PREX1: variants seen among roughly 807,000 people sequenced by gnomAD.
The protein encoded by PREX1 is phosphatidylinositol-3,4,5-trisphosphate dependent Rac exchange factor 1.
In PREX1, 41 loss-of-function variants were observed where a neutral mutation model predicts 198.3. That is an observed-to-expected ratio of 0.21 (90% CI 0.16 to 0.27). PREX1 has a LOEUF of 0.27. Ranked by LOEUF, PREX1 falls within the 10% of genes least tolerant of loss-of-function variation. The pLI is 1.00. For missense variants in PREX1, 1,620 were observed against 2,200.7 expected, an observed-to-expected ratio of 0.74 and a Z score of 5.28; for synonymous variants, 843 against 887.2, an observed-to-expected ratio of 0.95 and a Z score of 0.89.
At chr20:48,769,538 A>G (rs2090225502) in intron 1 of PREX1, among the ~76,000 whole-genome samples, 1 of 152,120 alleles carries the variant, frequency 6.6e-6, no homozygotes, top group African/African-American at 2.4e-5. Flanking sequence ...TATCAGAATG[A>G]GCTCACACTC....
intron 7 of PREX1, among the ~76,000 whole-genome samples, chr20:48,698,444 C>T (rs1025108064): frequency 3.9e-5 from 6 of 152,036 alleles, no homozygotes; most frequent in Non-Finnish European, 8.8e-5. Context: ...GGGCAGGGCT[C>T]AGGGTGGACA....
Position 48,690,655 on chromosome 20 carries a change from G to A in PREX1, c.1186+292C>T, listed in dbSNP as rs375871542. Among the ~76,000 whole-genome samples, 9 of 152,188 alleles carry A rather than the reference G, an allele frequency of 5.9e-5. No individual in the cohort carries two copies. The East Asian group carries it at 7.7e-4, about 13-fold the overall frequency. On this transcript the variant is annotated intron_variant, in intron 9 of 39. Coordinates refer to ENST00000371941, the MANE Select transcript of PREX1 (RefSeq NM_020820.4). ...AATAAAACCTCAGGCGGAGGGCACAGGGCTATGCGCAGGAAAGGGGAGCAT... is the reference window on the plus strand; with the variant it reads ...AATAAAACCTCAGGCGGAGGGCACAAGGCTATGCGCAGGAAAGGGGAGCAT...
At position 48,659,904 on chromosome 20, in the gene PREX1, C is replaced by G; in HGVS notation, c.1881+15G>C. On this transcript the variant is annotated intron_variant, in intron 16 of 39. Coordinates refer to ENST00000371941, the MANE Select transcript of PREX1 (RefSeq NM_020820.4). The stretch of plus-strand genomic sequence containing the variant: ...CTCTGGCAAGGAAGGGACAGCTGCT[C>G]AGCTGTGCTCCTACCAGCAGGCGCT... 6.2e-7 allele frequency: 1 copy of G among 1,613,952 alleles called. No individual in the cohort carries two copies. The highest frequency in any genetic ancestry group is 8.5e-7 in the Non-Finnish European group (1 of 1,180,014).
intron 1 of PREX1, among the ~76,000 whole-genome samples, chr20:48,824,128 C>T (rs2090499146): frequency 6.6e-6 from 1 of 152,174 alleles, no homozygotes; most frequent in Non-Finnish European, 1.5e-5. Context: ...AGCCAAGGTT[C>T]TGAGTCAAAA....
intron 21 of PREX1, 114 bp from the exon 22 acceptor site, chr20:48,651,697 C>T: frequency 1.0e-6 from 1 of 1,002,214 alleles, no homozygotes; most frequent in Non-Finnish European, 1.4e-6. Context: ...GTGCAAAGGC[C>T]CCAGGGCAGG....
chr20:48,670,802 T>C (rs538735150), intron 14 of PREX1, among the ~76,000 whole-genome samples: 1 of 152,330 alleles, frequency 6.6e-6, no homozygotes, highest in Middle Eastern at 3.4e-3. Flanking sequence ...TTATTGACTA[T>C]GAAGGCATCA....
intron 1 of PREX1, among the ~76,000 whole-genome samples, chr20:48,772,108 C>T (rs562407620): frequency 6.6e-6 from 1 of 152,228 alleles, no homozygotes; most frequent in African/African-American, 2.4e-5. Context: ...GCAAGAGAAT[C>T]GCTCGAACCT....
At chr20:48,877,544 T>A in the PREX1 span, among the ~76,000 whole-genome samples, 1 of 152,214 alleles carries the variant, frequency 6.6e-6, no homozygotes, top group African/African-American at 2.4e-5. Flanking sequence ...AAACTGGCTC[T>A]AGCTGGATCA....
Position 48,646,179 on chromosome 20 carries a change from G to C in PREX1, c.3306-122C>G. On this transcript the variant is annotated intron_variant, in intron 25 of 39. Coordinates refer to ENST00000371941, the MANE Select transcript of PREX1 (RefSeq NM_020820.4). ...CCCTCCTGTTGGGGGTGGGAGACTC[G>C]CAAGTTCTTTCACGGCCAAGCTACA... 3.1e-6 allele frequency: 3 copies of C among 959,362 alleles called. No individual in the cohort carries two copies. In the East Asian group the frequency reaches 7.7e-5, roughly 25 times the overall value. The allele number at this position is 959,362 out of a possible 1,614,324, so 59.4% of individuals were successfully genotyped here. A position where few individuals can be genotyped will look rare whatever the true frequency, so the allele number is the denominator to read the frequency against.
rs113823490 is a variant in PREX1, at chr20:48,766,211, T to C, written c.220-18331A>G. 6.7e-3 allele frequency among the ~76,000 whole-genome samples: 1,022 copies of C among 152,300 alleles called. 13 individuals carry two copies. Among genetic ancestry groups the C allele is most frequent in the East Asian group, 0.046 (236 of 5,182 alleles). ...CAACAAATGTAATGTGTTTGAATCA[T>C]CCTGAAACCATCCCTTCCCCACCCC... is the stretch of plus-strand genomic sequence containing the variant. On this transcript the variant is annotated intron_variant, in intron 1 of 39. Transcript: ENST00000371941.
rs570544093 is a variant in PREX1, at chr20:48,797,345, A to AC, written c.219+30296dup. Among the ~76,000 whole-genome samples the AC allele has an allele frequency of 1.8e-3, 209 of 114,344 alleles. 1 individual carries two copies. In the South Asian group the frequency reaches 0.02, roughly 11 times the overall value. 75.0% of individuals were successfully genotyped at this position (114,344 alleles called of 152,430 possible). ...AATGACGGCCCCCTGCTCCCCCCAG[A>AC]CCCCCCCCAGGACACTGAAGCCCAT... is the stretch of plus-strand genomic sequence containing the variant. On this transcript the variant is annotated intron_variant, in intron 1 of 39. Coordinates refer to ENST00000371941, the MANE Select transcript of PREX1 (RefSeq NM_020820.4).
intron 5 of PREX1, among the ~76,000 whole-genome samples, chr20:48,709,800 C>A (rs566361598): frequency 6.6e-6 from 1 of 152,360 alleles, no homozygotes; most frequent in African/African-American, 2.4e-5. Flanking sequence ...AACACGCTAG[C>A]TGTAACTGTG....
At position 48,637,728 on chromosome 20, in the gene PREX1, G is replaced by A; in HGVS notation, c.3929C>T (p.Ala1310Val). ...VEDGKNQLLL[A>V]LLKCTDTELQ... ...GGCCTCACCTGTGCACTTCAGCAAG[G>A]CCAGGAGCAGCTGGTTCTTCCCATC... The change falls in exon 31 of 40, where the codon GCC becomes GTC. Residue 1310 changes from alanine (A) to valine (V), a missense_variant. Coordinates refer to ENST00000371941, the MANE Select transcript of PREX1 (RefSeq NM_020820.4). The A allele has an allele frequency of 6.2e-7, 1 of 1,612,192 alleles. No individual in the cohort carries two copies. Among genetic ancestry groups the A allele is most frequent in the Non-Finnish European group, 8.5e-7 (1 of 1,179,394 alleles).
intron 1 of PREX1, among the ~76,000 whole-genome samples, chr20:48,785,389 G>A (rs1329459829): frequency 1.3e-5 from 2 of 152,228 alleles, no homozygotes; most frequent in African/African-American, 4.8e-5. Context: ...GACACCTTTA[G>A]GGCCCACTCA....
the PREX1 span, among the ~76,000 whole-genome samples, chr20:48,842,646 T>G: frequency 1.3e-5 from 2 of 151,112 alleles, no homozygotes; most frequent in Non-Finnish European, 2.9e-5. Flanking sequence ...CTTATCATAT[T>G]CAATTATTCA....
chr20:48,654,920 C>A (rs898050650), intron 19 of PREX1, among the ~76,000 whole-genome samples: 2 of 152,202 alleles, frequency 1.3e-5, no homozygotes, highest in African/African-American at 4.8e-5. Context: ...TGCGGCAGAG[C>A]CCCCAAATTT....
chr20:48,726,487 C>T, intron 4 of PREX1, 96 bp from the exon 5 acceptor site: 1 of 868,998 alleles, frequency 1.2e-6, no homozygotes, highest in Non-Finnish European at 1.9e-6. Flanking sequence ...AGCACAGCTA[C>T]AATCACTTGG....
At chr20:48,638,413 C>T (rs994539970) in intron 30 of PREX1, among the ~76,000 whole-genome samples, 7 of 152,234 alleles carry the variant, frequency 4.6e-5, no homozygotes, top group African/African-American at 1.7e-4. Flanking sequence ...TACACACGCC[C>T]TGTCCTGCAA....
chr20:48,719,015 C>T (rs2089974114), intron 5 of PREX1, among the ~76,000 whole-genome samples: 1 of 152,186 alleles, frequency 6.6e-6, no homozygotes. Context: ...ATGCAAAATG[C>T]TTTCATGAGT....
Sources: gnomAD v4.1 joint callset for allele counts (sites outside exome capture counted in the v4.1 genomes callset) on GRCh38, gnomAD v4.1.1 for gene constraint, MANE v1.5 for transcripts, NCBI Gene and HGNC (gene_info 2026-07-23, HGNC 2026-07-21) for gene names.